Variants in NCAM2 observed in about 807,000 individuals in gnomAD.
The protein encoded by NCAM2 is N-CAM-2.
A neutral mutation model predicts 98.1 loss-of-function variants in NCAM2; 30 were observed. The observed-to-expected ratio is 0.31, with a 90% CI of 0.23 to 0.41. The LOEUF (loss-of-function observed/expected upper bound fraction) is 0.41. NCAM2 is among the 10% of genes least tolerant of loss of function. The pLI, the probability that NCAM2 is intolerant of heterozygous loss-of-function variation, is 1.00. For synonymous variants in NCAM2, 368 were observed against 342.4 expected (o/e 1.07, Z -0.83); for missense variants, 867 against 1,005.8 (o/e 0.86, Z 1.87).
At chr21:21,520,535 T>C (rs1049116381) in intron 16 of NCAM2, among the ~76,000 whole-genome samples, 1 of 152,156 alleles carries the variant, frequency 6.6e-6, no homozygotes, top group African/African-American at 2.4e-5. Context: ...TCAATTGTAT[T>C]TTCTGAATAA....
chr21:21,484,699 T>C (rs1329802842), intron 15 of NCAM2, among the ~76,000 whole-genome samples: 1 of 152,228 alleles, frequency 6.6e-6, no homozygotes, highest in Non-Finnish European at 1.5e-5. Flanking sequence ...CACCCATGAA[T>C]GATTAAGCTT....
chr21:21,399,018 C>A (rs1019154237), intron 9 of NCAM2, among the ~76,000 whole-genome samples: 57 of 152,108 alleles, frequency 3.7e-4, no homozygotes, highest in African/African-American at 1.3e-3. Flanking sequence ...TGGTTAAGGG[C>A]AGGGAGGGTG....
chr21:21,307,302 T>A (rs2073913245), intron 5 of NCAM2, among the ~76,000 whole-genome samples: 1 of 152,182 alleles, frequency 6.6e-6, no homozygotes, highest in Non-Finnish European at 1.5e-5. Flanking sequence ...TGGTTTTCAG[T>A]CTTTTTTCAA....
In NCAM2 at chr21:21,539,039, A is replaced by G. The variant is rs1208887973; in HGVS notation, c.*1082A>G. On this transcript the variant is annotated 3_prime_UTR_variant, in exon 18 of 18. Coordinates refer to ENST00000400546, the MANE Select transcript of NCAM2 (RefSeq NM_004540.5). The stretch of plus-strand genomic sequence containing the variant: ...ATTTTAATGTGCCATAAAAGAGTAA[A>G]TGATAAATAATTAAATGCCACTATG... The G allele has an allele frequency of 2.6e-5, 4 of 152,194 alleles. No individual in the cohort carries two copies. The highest frequency in any genetic ancestry group is 1.3e-4 in the Admixed American group (2 of 15,270). The allele number at this position is 152,194 out of a possible 1,614,324, so 9.4% of individuals were successfully genotyped here.
intron 1 of NCAM2, among the ~76,000 whole-genome samples, chr21:21,049,299 T>G (rs112438245): frequency 6.6e-6 from 1 of 152,194 alleles, no homozygotes; most frequent in East Asian, 1.9e-4. Context: ...TATTTTTGTA[T>G]ATAATTTATA....
At chr21:21,083,080 G>A (rs1339410889) in intron 1 of NCAM2, among the ~76,000 whole-genome samples, 2 of 152,162 alleles carry the variant, frequency 1.3e-5, no homozygotes, top group Non-Finnish European at 2.9e-5. Flanking sequence ...ATGCATTTTT[G>A]AGGTAAGGAA....
At chr21:21,372,939 T>A (rs1398072634) in intron 8 of NCAM2, among the ~76,000 whole-genome samples, 22 of 151,880 alleles carry the variant, frequency 1.4e-4, no homozygotes. Flanking sequence ...TAAAATTTAC[T>A]TTTCAATACT....
At chr21:21,122,585 G>T (rs73894438) in intron 1 of NCAM2, among the ~76,000 whole-genome samples, 207 of 152,270 alleles carry the variant, frequency 1.4e-3, no homozygotes, top group African/African-American at 4.8e-3. Flanking sequence ...TCTAATGTGG[G>T]CTGGGTTTGC....
Position 21,410,444 on chromosome 21 carries a change from A to G in NCAM2, c.1366A>G (p.Arg456Gly), listed in dbSNP as rs770182571. 4.5e-6 allele frequency: 7 copies of G among 1,557,314 alleles called. No individual in the cohort carries two copies. In the Admixed American group the frequency reaches 1.2e-4, roughly 26 times the overall value. The part of the protein sequence containing the change: ...TTNLKTYSTG[R>G]KMILEIAPTS... The stretch of plus-strand genomic sequence containing the variant: ...CAATTTAAAGACTTATAGTACAGGA[A>G]GAAAGATGATATTAGAGGTAAGTCC... The change falls in exon 10 of 18, where the codon AGA becomes GGA. Residue 456 changes from arginine (R) to glycine (G), a missense_variant. Physicochemically the swap from Arg to Gly is moderately radical, Grantham distance 125. Transcript: ENST00000400546.
At chr21:21,436,945 T>C (rs1432315797) in intron 12 of NCAM2, among the ~76,000 whole-genome samples, 1 of 151,672 alleles carries the variant, frequency 6.6e-6, no homozygotes, top group Non-Finnish European at 1.5e-5. Flanking sequence ...TTTTTATTTT[T>C]GTATTTTTTA....
At chr21:21,234,081 C>T (rs989311868) in intron 1 of NCAM2, among the ~76,000 whole-genome samples, 3 of 151,570 alleles carry the variant, frequency 2.0e-5, no homozygotes, top group Non-Finnish European at 4.4e-5. Flanking sequence ...TTAAAATACT[C>T]ACAGAGATTT....
chr21:21,377,477 C>A (rs1353894698), intron 9 of NCAM2, among the ~76,000 whole-genome samples: 1 of 151,660 alleles, frequency 6.6e-6, no homozygotes, highest in Non-Finnish European at 1.5e-5. Context: ...TACTTATTTA[C>A]TTTTATTTAG....
In NCAM2 at chr21:21,502,046, C is replaced by T. The variant is rs1476404267; in HGVS notation, c.2078-6805C>T. On this transcript the variant is annotated intron_variant, in intron 15 of 17. Transcript: ENST00000400546. ...CATTTCTACTGACTAAAGTATTTTG[C>T]GAGAAAAATTTTGCCTAGTTGTTTT... 2.0e-5 allele frequency among the ~76,000 whole-genome samples: 3 copies of T among 151,754 alleles called. No individual in the cohort carries two copies. The East Asian group carries it at 5.8e-4, about 29-fold the overall frequency.
In NCAM2 at chr21:21,335,735, T is replaced by C. The variant is rs947134163; in HGVS notation, c.898+70T>C. ...AGATCAGAGTGAAATTCTACTCTAATCATTTGAACTATTTAAACTTTCCAT... is the reference window on the plus strand; with the variant it reads ...AGATCAGAGTGAAATTCTACTCTAACCATTTGAACTATTTAAACTTTCCAT... On this transcript the variant is annotated intron_variant, in intron 7 of 17. Coordinates refer to ENST00000400546, the MANE Select transcript of NCAM2 (RefSeq NM_004540.5). 1.1e-5 allele frequency: 13 copies of C among 1,224,874 alleles called. No individual in the cohort carries two copies. In the Admixed American group the frequency reaches 3.9e-4, roughly 37 times the overall value. The allele number at this position is 1,224,874 out of a possible 1,614,324, so 75.9% of individuals were successfully genotyped here. A position where few individuals can be genotyped will look rare whatever the true frequency, so the allele number is the denominator to read the frequency against.
chr21:21,069,102 A>G (rs1245623342), intron 1 of NCAM2, among the ~76,000 whole-genome samples: 1 of 152,196 alleles, frequency 6.6e-6, no homozygotes, highest in Non-Finnish European at 1.5e-5. Context: ...TATATTCACT[A>G]TGGAGAATAT....
intron 1 of NCAM2, among the ~76,000 whole-genome samples, chr21:21,093,607 G>A (rs1008765554): frequency 6.6e-6 from 1 of 151,942 alleles, no homozygotes; most frequent in African/African-American, 2.4e-5. Flanking sequence ...TAGTAACCTT[G>A]TAACTGTCCA....
At position 21,517,844 on chromosome 21, in the gene NCAM2, G is replaced by T. The variant is rs888950003; in HGVS notation, c.2282+8789G>T. On this transcript the variant is annotated intron_variant, in intron 16 of 17. Transcript: ENST00000400546. The stretch of plus-strand genomic sequence containing the variant: ...GCTACAGAGCAAGGCTCCATCTCAA[G>T]AAAAATAAAAATAAAGTAAAATAAA... Among the ~76,000 whole-genome samples, 5 of 151,966 alleles carry T rather than the reference G, an allele frequency of 3.3e-5. No individual in the cohort carries two copies. The East Asian group carries it at 9.7e-4, about 29-fold the overall frequency.
intron 1 of NCAM2, chr21:21,226,626 G>C (rs966755886): frequency 2.6e-5 from 4 of 152,088 alleles, no homozygotes; most frequent in Admixed American, 2.0e-4. Context: ...CAACTGCCCT[G>C]ATGAGATCAT....
chr21:21,100,836 G>C (rs757635730), intron 1 of NCAM2, among the ~76,000 whole-genome samples: 2 of 151,922 alleles, frequency 1.3e-5, no homozygotes, highest in Non-Finnish European at 2.9e-5. Context: ...TGTTCTCTTG[G>C]GAGCACCCTT....
Sources: gnomAD v4.1 joint callset for allele counts (sites outside exome capture counted in the v4.1 genomes callset) on GRCh38, gnomAD v4.1.1 for gene constraint, MANE v1.5 for transcripts, NCBI Gene and HGNC (gene_info 2026-07-23, HGNC 2026-07-21) for gene names.